Variants in UBE2E2 observed in about 807,000 individuals in gnomAD.
UBE2E2 encodes the protein ubiquitin conjugating enzyme E2 E2.
A neutral mutation model predicts 24.7 loss-of-function variants in UBE2E2; 6 were observed. The observed-to-expected ratio is 0.24, with a 90% CI of 0.13 to 0.48. The LOEUF (loss-of-function observed/expected upper bound fraction) is 0.48. Ranked by LOEUF, UBE2E2 falls within the 20% of genes least tolerant of loss-of-function variation. The probability of loss-of-function intolerance (pLI) is 0.99; values close to 1 mark genes in which losing one functional copy is unlikely to be tolerated. For missense variants in UBE2E2, 169 were observed against 245.0 expected, an observed-to-expected ratio of 0.69 and a Z score of 2.07; for synonymous variants, 104 against 83.6, an observed-to-expected ratio of 1.24 and a Z score of -1.33.
rs557763665 is a variant in UBE2E2, at chr3:23,349,597, G to A, written c.227+132285G>A. Among the ~76,000 whole-genome samples, 202 of 152,346 alleles carry A rather than the reference G, an allele frequency of 1.3e-3. 1 individual carries two copies. Among genetic ancestry groups the A allele is most frequent in the Non-Finnish European group, 2.6e-3 (174 of 68,036 alleles). On this transcript the variant is annotated intron_variant, in intron 3 of 5. Coordinates refer to ENST00000396703, the MANE Select transcript of UBE2E2 (RefSeq NM_152653.4). ...GGAGATTATATCCCACGCAAGGCTCGGAGGGTCCTACGCCCACGGAATCTC... is the reference window on the plus strand; with the variant it reads ...GGAGATTATATCCCACGCAAGGCTCAGAGGGTCCTACGCCCACGGAATCTC...
At chr3:23,390,263 G>T (rs559298697) in intron 3 of UBE2E2, among the ~76,000 whole-genome samples, 2 of 152,178 alleles carry the variant, frequency 1.3e-5, no homozygotes, top group Non-Finnish European at 2.9e-5. Context: ...GGTCTGCCCT[G>T]CCTCCCTCCC....
At chr3:23,318,902 A>G (rs2125286788) in intron 3 of UBE2E2, among the ~76,000 whole-genome samples, 1 of 152,358 alleles carries the variant, frequency 6.6e-6, no homozygotes, top group Middle Eastern at 3.4e-3. Flanking sequence ...CAATCTGCCT[A>G]TACATTGTCT....
intron 3 of UBE2E2, among the ~76,000 whole-genome samples, chr3:23,223,260 T>C (rs1020126575): frequency 6.6e-5 from 10 of 151,604 alleles, no homozygotes; most frequent in Non-Finnish European, 1.2e-4. Flanking sequence ...TGGCATGATC[T>C]TGGCTCACTG....
At chr3:23,529,706 G>A (rs1440579131) in intron 4 of UBE2E2, among the ~76,000 whole-genome samples, 3 of 152,106 alleles carry the variant, frequency 2.0e-5, no homozygotes, top group Non-Finnish European at 4.4e-5. Context: ...AATTGGGATC[G>A]TAAAAATATT....
At chr3:23,465,763 T>G (rs543508494) in intron 3 of UBE2E2, among the ~76,000 whole-genome samples, 2 of 152,306 alleles carry the variant, frequency 1.3e-5, no homozygotes, top group South Asian at 4.2e-4. Context: ...ACCACATGTT[T>G]AAAGAATTAA....
chr3:23,286,190 T>G (rs1013848911), intron 3 of UBE2E2, among the ~76,000 whole-genome samples: 3 of 152,198 alleles, frequency 2.0e-5, no homozygotes, highest in African/African-American at 7.2e-5. Flanking sequence ...GTGATTCCAT[T>G]TGCCCATTTT....
At chr3:23,292,254 G>C (rs1354293198) in intron 3 of UBE2E2, among the ~76,000 whole-genome samples, 7 of 152,094 alleles carry the variant, frequency 4.6e-5, no homozygotes, top group Admixed American at 4.6e-4. Context: ...TGGGATTACA[G>C]GCATGAGCCA....
intron 5 of UBE2E2, among the ~76,000 whole-genome samples, chr3:23,561,090 A>G (rs1322200776): frequency 1.3e-5 from 2 of 152,096 alleles, no homozygotes; most frequent in African/African-American, 2.4e-5. Context: ...CCATTTGTCA[A>G]TTTTGGCTTT....
intron 3 of UBE2E2, among the ~76,000 whole-genome samples, chr3:23,422,419 C>G (rs1290745881): frequency 4.6e-5 from 7 of 152,158 alleles, no homozygotes; most frequent in Admixed American, 4.6e-4. Context: ...CTTACTGTCA[C>G]CAGTCCAGTG....
chr3:23,300,576 G>A (rs1575544402), intron 3 of UBE2E2, among the ~76,000 whole-genome samples: 1 of 152,186 alleles, frequency 6.6e-6, no homozygotes, highest in African/African-American at 2.4e-5. Flanking sequence ...ATTATGGGTT[G>A]AAAATTCATT....
intron 3 of UBE2E2, among the ~76,000 whole-genome samples, chr3:23,462,295 AAGT>A (rs1698820312): frequency 6.6e-6 from 1 of 152,156 alleles, no homozygotes; most frequent in Admixed American, 6.5e-5. Context: ...TTTGGAAATG[AAGT>A]AGTATTTTCA....
intron 3 of UBE2E2, among the ~76,000 whole-genome samples, chr3:23,391,998 G>A (rs1356683373): frequency 6.6e-6 from 1 of 151,952 alleles, no homozygotes; most frequent in Non-Finnish European, 1.5e-5. Context: ...ACTGAATTTT[G>A]TATACATCTT....
chr3:23,349,442 C>T (rs571334998), intron 3 of UBE2E2, among the ~76,000 whole-genome samples: 3 of 152,302 alleles, frequency 2.0e-5, no homozygotes, highest in African/African-American at 7.2e-5. Context: ...TTGCCTCACT[C>T]GGGAAGCGCA....
chr3:23,486,669 T>C (rs563258886), intron 3 of UBE2E2, among the ~76,000 whole-genome samples: 74 of 152,240 alleles, frequency 4.9e-4, no homozygotes, highest in Non-Finnish European at 7.9e-4. Flanking sequence ...AGAAGCTTTA[T>C]TGAGTGACAG....
intron 3 of UBE2E2, among the ~76,000 whole-genome samples, chr3:23,238,159 A>C (rs989946633): frequency 6.6e-6 from 1 of 152,178 alleles, no homozygotes. Flanking sequence ...TTAGAGAAAA[A>C]TATTGGAAAG....
intron 3 of UBE2E2, among the ~76,000 whole-genome samples, chr3:23,263,027 G>A (rs1697944624): frequency 6.6e-6 from 1 of 152,194 alleles, no homozygotes; most frequent in Admixed American, 6.5e-5. Context: ...ATGAGGAAAA[G>A]CAGGCAGAAG....
intron 4 of UBE2E2, among the ~76,000 whole-genome samples, chr3:23,502,808 TTA>T (rs1057176125): frequency 3.9e-5 from 6 of 152,230 alleles, no homozygotes; most frequent in African/African-American, 7.2e-5. Flanking sequence ...ATTGAATTTC[TTA>T]TATGTTTATG....
chr3:23,321,976 A>C (rs960551483), intron 3 of UBE2E2, among the ~76,000 whole-genome samples: 1 of 152,124 alleles, frequency 6.6e-6, no homozygotes, highest in South Asian at 2.1e-4. Context: ...ATTTTTCAAC[A>C]TACTCAACTG....
intron 5 of UBE2E2, among the ~76,000 whole-genome samples, chr3:23,565,224 G>A (rs1160718572): frequency 6.6e-6 from 1 of 152,036 alleles, no homozygotes; most frequent in East Asian, 1.9e-4. Flanking sequence ...ATTATGATGT[G>A]AGTCAAGGTA....
Sources: gnomAD v4.1 joint callset for allele counts (sites outside exome capture counted in the v4.1 genomes callset) on GRCh38, gnomAD v4.1.1 for gene constraint, MANE v1.5 for transcripts, NCBI Gene and HGNC (gene_info 2026-07-23, HGNC 2026-07-21) for gene names.